LAMA4: variants seen among roughly 807,000 people sequenced by gnomAD.
The protein encoded by LAMA4 is laminin subunit alpha-4.
A neutral mutation model predicts 207.1 loss-of-function variants in LAMA4; 127 were observed. The observed-to-expected ratio is 0.61, with a 90% confidence interval of 0.53 to 0.71. The LOEUF is 0.71. LAMA4 is among the 30% of genes least tolerant of loss of function. The probability of loss-of-function intolerance (pLI) is 0.00; values close to 1 mark genes in which losing one functional copy is unlikely to be tolerated. For missense variants in LAMA4, 2,093 were observed against 2,246.5 expected (o/e 0.93, Z 1.38); for synonymous variants, 761 against 816.0 (o/e 0.93, Z 1.15).
Position 112,254,416 on chromosome 6 carries a change from G to A in LAMA4, c.-142+43C>T, listed in dbSNP as rs1468130518. Reference sequence around the variant, plus strand: ...CCCTCTTTCACTTTTTCTCCTTCCCGCAGAGGTTCTGGCTCAAGAACCTAC... The same window carrying A: ...CCCTCTTTCACTTTTTCTCCTTCCCACAGAGGTTCTGGCTCAAGAACCTAC... On this transcript the variant is annotated intron_variant, in intron 1 of 38. Coordinates refer to ENST00000230538, the MANE Select transcript of LAMA4 (RefSeq NM_001105206.3). The A allele has an allele frequency of 1.9e-5, 10 of 518,880 alleles. No individual in the cohort carries two copies. The African/African-American group carries it at 2.0e-4, about 10-fold the overall frequency. 32.1% of individuals were successfully genotyped at this position (518,880 alleles called of 1,614,324 possible).
At chr6:112,151,093 C>A (rs560525208) in intron 16 of LAMA4, among the ~76,000 whole-genome samples, 1 of 151,526 alleles carries the variant, frequency 6.6e-6, no homozygotes, top group Admixed American at 6.6e-5. Context: ...AAAATGTTCA[C>A]AAAATGAACA....
At chr6:112,234,882 T>C (rs528958696) in intron 2 of LAMA4, 1 of 152,324 alleles carries the variant, frequency 6.6e-6, no homozygotes, top group Admixed American at 6.5e-5. Context: ...ACCTAGAAGT[T>C]TGGAGAACCT....
chr6:112,201,580 C>G (rs1356562888), intron 5 of LAMA4, 28 bp downstream of exon 5: 1 of 1,588,318 alleles, frequency 6.3e-7, no homozygotes, highest in Non-Finnish European at 8.6e-7. Context: ...TTGACCCACA[C>G]AGAAAATAGA....
Position 112,253,973 on chromosome 6 carries a change from G to C in LAMA4, c.178C>G (p.Leu60Val), listed in dbSNP as rs1554190460. ...CACTGTACCTCGGCCGCAGGCGGCA[G>C]GCGTCCCAGAGCCACGCGGGGTTCG... is the stretch of plus-strand genomic sequence containing the variant. ...TSEPRVALGR[L>V]PPAAEKCNAG... Residue 60 changes from leucine to valine, a missense_variant, in exon 2 of 39, where the codon CTG becomes GTG. This residue lies in a region of LAMA4 where 1,704 missense variants were observed against 1,788.4 expected (regional missense o/e 0.95). Coordinates refer to ENST00000230538, the MANE Select transcript of LAMA4 (RefSeq NM_001105206.3). 1 of 1,589,556 alleles carries C rather than the reference G, an allele frequency of 6.3e-7. No homozygotes were observed. The highest frequency in any genetic ancestry group is 1.1e-5 in the South Asian group (1 of 88,746).
chr6:112,196,125 A>G (rs1264747049), intron 5 of LAMA4, among the ~76,000 whole-genome samples: 4 of 152,164 alleles, frequency 2.6e-5, no homozygotes, highest in Non-Finnish European at 5.9e-5. Flanking sequence ...TGACCAAATC[A>G]GGGTAATTAA....
At chr6:112,135,949 TA>T in intron 25 of LAMA4, 173 bp downstream of exon 25, 1 of 587,212 alleles carries the variant, frequency 1.7e-6, no homozygotes, top group Non-Finnish European at 3.0e-6. Flanking sequence ...TCCAATGTTT[TA>T]AAGTAAATGT....
chr6:112,144,756 T>C (rs1418476629), intron 19 of LAMA4, 38 bp downstream of exon 19: 1 of 1,609,240 alleles, frequency 6.2e-7, no homozygotes, highest in Admixed American at 1.7e-5. Context: ...CGTGTTATTA[T>C]TACCGCTGAC....
rs182257292 is a variant in LAMA4, at chr6:112,196,633, T to C, written c.504-4783A>G. 4 of 152,274 alleles carry C rather than the reference T, an allele frequency of 2.6e-5. No homozygotes were observed. The East Asian group carries it at 7.7e-4, about 29-fold the overall frequency. The allele number at this position is 152,274 out of a possible 1,614,324, so 9.4% of individuals were successfully genotyped here. A position where few individuals can be genotyped will look rare whatever the true frequency, so the allele number is the denominator to read the frequency against. On this transcript the variant is annotated intron_variant, in intron 5 of 38. Transcript: ENST00000230538. Reference sequence around the variant, plus strand: ...ACAAGGCTTGTGCATTTTACAATTATTTGCATCAGAAGACAACTTCCATTT... The same window carrying C: ...ACAAGGCTTGTGCATTTTACAATTACTTGCATCAGAAGACAACTTCCATTT...
At chr6:112,114,812 G>A in intron 36 of LAMA4, 56 bp from the exon 37 acceptor site, 3 of 1,217,926 alleles carry the variant, frequency 2.5e-6, no homozygotes, top group Non-Finnish European at 3.7e-6. Context: ...TGATAAAACT[G>A]AATTTCTTAA....
rs558250128 is a variant in LAMA4, at chr6:112,240,795, T to C, written c.195+13161A>G. 3.9e-5 allele frequency among the ~76,000 whole-genome samples: 6 copies of C among 152,294 alleles called. No individual in the cohort carries two copies. In the South Asian group the frequency reaches 1.2e-3, roughly 32 times the overall value. On this transcript the variant is annotated intron_variant, in intron 2 of 38. Transcript: ENST00000230538. ...TTTTCTTTATCCATTCATCTGTTGA[T>C]GGACACTTAGGTTGCCTCCAAATCT...
chr6:112,172,282 G>C (rs755685045), intron 12 of LAMA4: 13 of 297,170 alleles, frequency 4.4e-5, no homozygotes, highest in Middle Eastern at 1.2e-3. Flanking sequence ...CCATGGTTTT[G>C]AGATGCTTTG....
At chr6:112,249,405 T>C (rs1416222424) in intron 2 of LAMA4, among the ~76,000 whole-genome samples, 2 of 124,646 alleles carry the variant, frequency 1.6e-5, no homozygotes, top group Admixed American at 1.1e-4. Context: ...ATCAAGCCAC[T>C]GCACTCCAGA....
At chr6:112,191,564 C>A in intron 6 of LAMA4, 72 bp downstream of exon 6, 3 of 1,124,388 alleles carry the variant, frequency 2.7e-6, no homozygotes, top group Non-Finnish European at 4.0e-6. Flanking sequence ...AAGAGAAATT[C>A]TTCATCTAAA....
At chr6:112,242,826 T>C (rs1327375580) in intron 2 of LAMA4, among the ~76,000 whole-genome samples, 2 of 152,266 alleles carry the variant, frequency 1.3e-5, no homozygotes, top group Non-Finnish European at 2.9e-5. Context: ...TGGACAGCTC[T>C]ACTCTGTATA....
chr6:112,222,385 C>T (rs1004496087), intron 2 of LAMA4, among the ~76,000 whole-genome samples: 2 of 152,174 alleles, frequency 1.3e-5, no homozygotes, highest in Non-Finnish European at 2.9e-5. Context: ...CAAACACAGA[C>T]TATGGTGCTG....
intron 2 of LAMA4, among the ~76,000 whole-genome samples, chr6:112,247,802 G>A (rs886249449): frequency 2.6e-5 from 4 of 152,154 alleles, no homozygotes; most frequent in African/African-American, 9.7e-5. Flanking sequence ...ATTCATAGCA[G>A]CATTACTCAC....
chr6:112,155,054 A>G, intron 15 of LAMA4, 107 bp from the exon 16 acceptor site: 2 of 797,178 alleles, frequency 2.5e-6, no homozygotes, highest in Admixed American at 1.8e-5. Flanking sequence ...ACCAAGCAAA[A>G]TGCATTTAGC....
rs533887969 is a variant in LAMA4 at position 112,130,963 on chromosome 6, T to C, written c.3968+5A>G. The C allele has an allele frequency of 6.2e-7, 1 of 1,612,750 alleles. No homozygotes were observed. Among genetic ancestry groups the C allele is most frequent in the Admixed American group, 1.7e-5 (1 of 59,956 alleles). ...GTGGAAAGAATATGAAGTGAGGAGC[T>C]ATACCTTGTGGGTGAGACAGAGCTA... On this transcript the variant is annotated splice_donor_5th_base_variant and intron_variant, in intron 29 of 38. Transcript: ENST00000230538.
chr6:112,131,700 AG>A (rs1309240095), intron 28 of LAMA4, among the ~76,000 whole-genome samples: 1 of 152,150 alleles, frequency 6.6e-6, no homozygotes, highest in East Asian at 1.9e-4. Context: ...TTAACTAACC[AG>A]GGTAGTCTGA....
Sources: allele counts gnomAD v4.1 joint callset (sites outside exome capture counted in the v4.1 genomes callset), GRCh38; gene constraint gnomAD v4.1.1; regional missense constraint gnomAD v4.1.1; transcripts MANE v1.5; gene names NCBI Gene and HGNC (gene_info 2026-07-23, HGNC 2026-07-21).